CSMD3: variants seen among roughly 807,000 people sequenced by gnomAD.
CSMD3 encodes the protein CUB and sushi domain-containing protein 3.
CSMD3 carries 177 observed loss-of-function variants against 435.2 expected under a neutral mutation model. The observed-to-expected ratio is 0.41, with a 90% CI of 0.36 to 0.46. CSMD3 has a LOEUF of 0.46. Among genes scored for constraint, CSMD3 ranks in the 20% least tolerant of loss-of-function variants. The pLI is 0.34. For missense variants in CSMD3, 4,265 were observed against 4,504.6 expected, an observed-to-expected ratio of 0.95 and a Z score of 1.52; for synonymous variants, 1,656 against 1,520.5, an observed-to-expected ratio of 1.09 and a Z score of -2.07.
intron 16 of CSMD3, among the ~76,000 whole-genome samples, chr8:112,669,469 A>G (rs2075606037): frequency 6.6e-6 from 1 of 152,226 alleles, no homozygotes; most frequent in Non-Finnish European, 1.5e-5. Flanking sequence ...GTAGTTAATT[A>G]TGTACCTACT....
intron 2 of CSMD3, among the ~76,000 whole-genome samples, chr8:113,302,767 A>G (rs937243225): frequency 2.1e-5 from 3 of 144,550 alleles, no homozygotes; most frequent in African/African-American, 7.8e-5. Flanking sequence ...ATTTCAAAAT[A>G]ATAAGAGCTA....
At chr8:112,550,936 G>T in intron 26 of CSMD3, 63 bp from the exon 27 acceptor site, 3 of 1,203,262 alleles carry the variant, frequency 2.5e-6, no homozygotes, top group South Asian at 1.2e-5. Flanking sequence ...AGAAAAAATA[G>T]AACAAATGTG....
chr8:113,393,498 C>T (rs1016565782), intron 1 of CSMD3, among the ~76,000 whole-genome samples: 1 of 151,958 alleles, frequency 6.6e-6, no homozygotes, highest in Non-Finnish European at 1.5e-5. Flanking sequence ...GATAAGGTAC[C>T]TGCCATTTCC....
intron 7 of CSMD3, among the ~76,000 whole-genome samples, chr8:112,966,622 A>G (rs1399928579): frequency 6.6e-6 from 1 of 151,796 alleles, no homozygotes; most frequent in Admixed American, 6.6e-5. Context: ...CAACCATTTT[A>G]AAGTATAGAA....
chr8:112,843,892 ATAT>A (rs749718723), intron 11 of CSMD3, among the ~76,000 whole-genome samples: 69 of 151,894 alleles, frequency 4.5e-4, no homozygotes, highest in Non-Finnish European at 8.7e-4. Flanking sequence ...ATTTATATTA[ATAT>A]TATTATTTGT....
At chr8:112,755,411 C>G (rs1239427144) in intron 13 of CSMD3, among the ~76,000 whole-genome samples, 1 of 150,996 alleles carries the variant, frequency 6.6e-6, no homozygotes, top group Non-Finnish European at 1.5e-5. Flanking sequence ...ATGATAGTGA[C>G]TTCTCAAAAG....
intron 20 of CSMD3, among the ~76,000 whole-genome samples, chr8:112,639,992 A>G (rs1012028948): frequency 6.6e-6 from 1 of 152,172 alleles, no homozygotes; most frequent in Admixed American, 6.6e-5. Flanking sequence ...CTGCTTTAAC[A>G]AATACTGTTT....
intron 32 of CSMD3, among the ~76,000 whole-genome samples, chr8:112,439,875 A>G (rs954645091): frequency 2.6e-5 from 4 of 151,568 alleles, no homozygotes; most frequent in Non-Finnish European, 5.9e-5. Context: ...CCCCCCGCCA[A>G]CATGTGAAGA....
At chr8:112,935,626 T>C (rs2083257502) in intron 9 of CSMD3, among the ~76,000 whole-genome samples, 1 of 151,976 alleles carries the variant, frequency 6.6e-6, no homozygotes, top group African/African-American at 2.4e-5. Flanking sequence ...TTTAGATATG[T>C]TTCAAAAACA....
At chr8:112,388,770 A>G (rs1388463396) in intron 36 of CSMD3, among the ~76,000 whole-genome samples, 1 of 152,138 alleles carries the variant, frequency 6.6e-6, no homozygotes, top group Non-Finnish European at 1.5e-5. Context: ...CTGATTATCT[A>G]TTATGATTTA....
chr8:113,422,835 C>T (rs1203584610), intron 1 of CSMD3, among the ~76,000 whole-genome samples: 1 of 151,976 alleles, frequency 6.6e-6, no homozygotes, highest in African/African-American at 2.4e-5. Flanking sequence ...TGACAGATAA[C>T]ATTGTATTTA....
intron 46 of CSMD3, 31 bp downstream of exon 46, chr8:112,319,870 G>A (rs1822828545): frequency 1.4e-6 from 2 of 1,473,518 alleles, no homozygotes; most frequent in Non-Finnish European, 1.9e-6. Context: ...CCAGCAGTAT[G>A]TTTTCCTTGA....
intron 54 of CSMD3, 94 bp downstream of exon 54, chr8:112,295,739 T>TAA: frequency 9.3e-7 from 1 of 1,070,256 alleles, no homozygotes; most frequent in Non-Finnish European, 1.4e-6. Flanking sequence ...TTGATATATA[T>TAA]AACAACATAA....
At position 112,287,134 on chromosome 8, in the gene CSMD3, G is replaced by T. The variant is rs2130634507; in HGVS notation, c.9261C>A (p.Ile3087=). The change falls in exon 58 of 71, where the codon ATC becomes ATA. Residue 3087 remains isoleucine (I), a synonymous_variant. Coordinates refer to ENST00000297405, the MANE Select transcript of CSMD3 (RefSeq NM_198123.2). The part of the protein sequence containing the change: ...TVRYACDTGY[I]LHGSEERTCL... ...ATGTTCTTTCTTCTGAGCCATGAAG[G>T]ATGTAACCAGTATCACAAGCATAAC... 6.2e-7 allele frequency: 1 copy of T among 1,613,718 alleles called. No individual in the cohort carries two copies.
intron 70 of CSMD3, among the ~76,000 whole-genome samples, chr8:112,227,291 C>T (rs187163652): frequency 1.3e-5 from 2 of 152,226 alleles, no homozygotes; most frequent in Admixed American, 6.5e-5. Context: ...AAACATTTTG[C>T]TAAGTTTAAG....
chr8:112,929,622 A>G (rs2083039951), intron 9 of CSMD3, among the ~76,000 whole-genome samples: 3 of 152,174 alleles, frequency 2.0e-5, no homozygotes, highest in African/African-American at 7.2e-5. Flanking sequence ...ACATAAGCAC[A>G]ATATTTTTAT....
chr8:113,238,657 C>T (rs752915286), intron 3 of CSMD3, among the ~76,000 whole-genome samples: 6 of 152,220 alleles, frequency 3.9e-5, no homozygotes, highest in Non-Finnish European at 5.9e-5. Flanking sequence ...ACTTCCAGCT[C>T]GATTTTGCGT....
chr8:113,012,451 A>G (rs2086289872), intron 6 of CSMD3, among the ~76,000 whole-genome samples: 2 of 151,960 alleles, frequency 1.3e-5, no homozygotes, highest in Admixed American at 6.6e-5. Flanking sequence ...TGTAATCCCC[A>G]TGTGTTGAGG....
chr8:112,252,208 A>C (rs539207748), intron 63 of CSMD3, among the ~76,000 whole-genome samples: 75 of 152,026 alleles, frequency 4.9e-4, no homozygotes, highest in Non-Finnish European at 8.5e-4. Flanking sequence ...CCACCTAATG[A>C]AACCAACATA....
Sources: gnomAD v4.1 joint callset for allele counts (sites outside exome capture counted in the v4.1 genomes callset) on GRCh38, gnomAD v4.1.1 for gene constraint, MANE v1.5 for transcripts, NCBI Gene and HGNC (gene_info 2026-07-23, HGNC 2026-07-21) for gene names.